SNCAIP: variants seen among roughly 807,000 people sequenced by gnomAD.
The protein encoded by SNCAIP is synuclein alpha interacting protein.
A neutral mutation model predicts 86.7 loss-of-function variants in SNCAIP; 43 were observed. The observed-to-expected ratio is 0.50, with a 90% confidence interval of 0.39 to 0.64. The LOEUF (loss-of-function observed/expected upper bound fraction) is 0.64, where lower values mean the gene tolerates loss of function less well. Ranked by LOEUF, SNCAIP falls within the 30% of genes least tolerant of loss-of-function variation. SNCAIP has a pLI of 0.00. For missense variants in SNCAIP, 981 were observed against 1,103.1 expected (o/e 0.89, Z 1.57); for synonymous variants, 417 against 427.2 (o/e 0.98, Z 0.29).
At chr5:122,363,962 G>A (rs1335425501) in intron 1 of SNCAIP, among the ~76,000 whole-genome samples, 1 of 152,018 alleles carries the variant, frequency 6.6e-6, no homozygotes, top group East Asian at 1.9e-4. Context: ...AGCTGAGACT[G>A]CAGGTGCCCT....
intron 3 of SNCAIP, among the ~76,000 whole-genome samples, chr5:122,421,576 G>A (rs1459963090): frequency 6.6e-6 from 1 of 152,154 alleles, no homozygotes; most frequent in Non-Finnish European, 1.5e-5. Context: ...GTTGTTCCCA[G>A]TAGCAAAGAA....
At chr5:122,347,389 T>C (rs1432539165) in intron 1 of SNCAIP, among the ~76,000 whole-genome samples, 3 of 147,592 alleles carry the variant, frequency 2.0e-5, no homozygotes, top group East Asian at 3.9e-4. Context: ...AGGGAGTGAT[T>C]TCTTTCCTTT....
At chr5:122,334,949 C>T (rs1358956964) in intron 1 of SNCAIP, among the ~76,000 whole-genome samples, 1 of 152,184 alleles carries the variant, frequency 6.6e-6, no homozygotes, top group African/African-American at 2.4e-5. Context: ...GGAAATGTTA[C>T]TGCATTGCCA....
chr5:122,400,401 T>A (rs949542955), intron 2 of SNCAIP, among the ~76,000 whole-genome samples: 2 of 152,242 alleles, frequency 1.3e-5, no homozygotes, highest in Non-Finnish European at 1.5e-5. Context: ...GTCTATAATA[T>A]TATGCCCAGG....
chr5:122,409,472 G>A (rs1267379357), intron 3 of SNCAIP, among the ~76,000 whole-genome samples: 1 of 152,166 alleles, frequency 6.6e-6, no homozygotes, highest in African/African-American at 2.4e-5. Context: ...GCTGGATTTA[G>A]AAAGTTCAGT....
At chr5:122,331,722 A>T (rs1470826182) in intron 1 of SNCAIP, among the ~76,000 whole-genome samples, 1 of 152,168 alleles carries the variant, frequency 6.6e-6, no homozygotes, top group Non-Finnish European at 1.5e-5. Flanking sequence ...GACTCAGCAC[A>T]TTTAATGTCT....
chr5:122,440,537 G>A (rs1780640614), intron 6 of SNCAIP, 92 bp from the exon 7 acceptor site: 12 of 1,247,654 alleles, frequency 9.6e-6, no homozygotes, highest in Non-Finnish European at 1.4e-5. Flanking sequence ...TTTTACCTAA[G>A]CTTCACAAAT....
At chr5:122,377,607 T>C (rs1765635112) in intron 1 of SNCAIP, among the ~76,000 whole-genome samples, 1 of 151,916 alleles carries the variant, frequency 6.6e-6, no homozygotes, top group Admixed American at 6.6e-5. Context: ...GTTACATATG[T>C]ATACATGTGC....
At chr5:122,448,200 A>G (rs2737090) in intron 8 of SNCAIP, among the ~76,000 whole-genome samples, 53,868 of 151,888 alleles carry the variant, frequency 0.35, 9,921 homozygotes, top group South Asian at 0.41. Context: ...TTTATGATAT[A>G]TTTGTTTAGT....
intron 3 of SNCAIP, among the ~76,000 whole-genome samples, chr5:122,407,084 A>T (rs1451231219): frequency 2.0e-5 from 3 of 152,212 alleles, no homozygotes; most frequent in Non-Finnish European, 4.4e-5. Context: ...AAGACAGACA[A>T]GGCCTCTGTG....
intron 3 of SNCAIP, 135 bp downstream of exon 3, chr5:122,404,000 C>G (rs1232064271): frequency 2.8e-6 from 2 of 710,682 alleles, no homozygotes; most frequent in Admixed American, 4.0e-5. Context: ...TCACACCACC[C>G]CCCACCTCAT....
At position 122,391,240 on chromosome 5, in the gene SNCAIP, A is replaced by G. The variant is rs371095412; in HGVS notation, c.57+49A>G. Reference sequence around the variant, plus strand: ...ATGCTTTCAAGATAATCTGCCTTCAACTTCATAGCCTACTTTCTCCATTAT... The same window carrying G: ...ATGCTTTCAAGATAATCTGCCTTCAGCTTCATAGCCTACTTTCTCCATTAT... On this transcript the variant is annotated intron_variant, in intron 2 of 10. Transcript: ENST00000261368. 1.1e-5 allele frequency: 14 copies of G among 1,274,376 alleles called. No individual in the cohort carries two copies. In the African/African-American group the frequency reaches 1.9e-4, roughly 17 times the overall value. 78.9% of individuals were successfully genotyped at this position (1,274,376 alleles called of 1,614,324 possible). A position where few individuals can be genotyped will look rare whatever the true frequency, so the allele number is the denominator to read the frequency against.
At chr5:122,312,826 T>A (rs1295748875) in intron 1 of SNCAIP, 2 of 152,350 alleles carry the variant, frequency 1.3e-5, no homozygotes, top group Admixed American at 6.5e-5. Context: ...CTCCCTCTAG[T>A]GCTGTTCTGC....
At chr5:122,390,804 G>C (rs1182145181) in intron 1 of SNCAIP, among the ~76,000 whole-genome samples, 1 of 152,154 alleles carries the variant, frequency 6.6e-6, no homozygotes, top group Non-Finnish European at 1.5e-5. Context: ...TCTAGGGGGA[G>C]ATTCTGACCC....
intron 6 of SNCAIP, 34 bp from the exon 7 acceptor site, chr5:122,440,595 A>C: frequency 6.2e-7 from 1 of 1,604,870 alleles, no homozygotes. Context: ...TCTGCAAGAT[A>C]TTACATGAAT....
chr5:122,435,161 C>CA (rs1174969602), intron 6 of SNCAIP, among the ~76,000 whole-genome samples: 1 of 152,040 alleles, frequency 6.6e-6, no homozygotes, highest in Non-Finnish European at 1.5e-5. Context: ...TCAGAGGGTG[C>CA]AATTATTTCA....
At chr5:122,394,672 G>T (rs781658129) in intron 2 of SNCAIP, among the ~76,000 whole-genome samples, 1 of 152,268 alleles carries the variant, frequency 6.6e-6, no homozygotes, top group East Asian at 1.9e-4. Flanking sequence ...ATTCTTTGGA[G>T]CTATGGTGTA....
intron 2 of SNCAIP, among the ~76,000 whole-genome samples, chr5:122,395,542 C>T (rs957538257): frequency 6.6e-6 from 1 of 152,126 alleles, no homozygotes; most frequent in African/African-American, 2.4e-5. Flanking sequence ...GGTTCATTTT[C>T]CTAAGGTGCT....
intron 10 of SNCAIP, among the ~76,000 whole-genome samples, chr5:122,456,791 C>A (rs1341945002): frequency 6.6e-6 from 1 of 152,136 alleles, no homozygotes; most frequent in Admixed American, 6.5e-5. Flanking sequence ...TAATGATAAA[C>A]CTACTCAATC....
Sources: allele counts gnomAD v4.1 joint callset (sites outside exome capture counted in the v4.1 genomes callset), GRCh38; gene constraint gnomAD v4.1.1; transcripts MANE v1.5; gene names NCBI Gene and HGNC (gene_info 2026-07-23, HGNC 2026-07-21).